ADAMTS19: variants seen among roughly 807,000 people sequenced by gnomAD.
ADAMTS19 encodes the protein A disintegrin and metalloproteinase with thrombospondin motifs 19.
ADAMTS19 carries 93 observed loss-of-function variants against 153.3 expected under a neutral mutation model. That is an observed-to-expected ratio of 0.61 (90% CI 0.51 to 0.72). The LOEUF (loss-of-function observed/expected upper bound fraction) is 0.72. Ranked by LOEUF, ADAMTS19 falls within the 30% of genes least tolerant of loss-of-function variation. ADAMTS19 has a pLI of 0.00. For missense variants in ADAMTS19, 1,482 were observed against 1,552.1 expected (o/e 0.95, Z 0.76); for synonymous variants, 600 against 556.6 (o/e 1.08, Z -1.10).
intron 14 of ADAMTS19, among the ~76,000 whole-genome samples, chr5:129,658,379 A>AGAGAGAGAG (rs1324387573): frequency 1.5e-5 from 2 of 135,914 alleles, no homozygotes; most frequent in African/African-American, 6.3e-5. Flanking sequence ...GAGAGAGAGG[A>AGAGAGAGAG]AGGAAGGAAG....
intron 21 of ADAMTS19, among the ~76,000 whole-genome samples, chr5:129,727,544 C>T (rs1030161201): frequency 6.6e-6 from 1 of 152,110 alleles, no homozygotes; most frequent in African/African-American, 2.4e-5. Context: ...TAGCAACTTT[C>T]AAGTATTAAA....
At chr5:129,663,903 A>G (rs1753925720) in intron 15 of ADAMTS19, among the ~76,000 whole-genome samples, 1 of 152,190 alleles carries the variant, frequency 6.6e-6, no homozygotes, top group Non-Finnish European at 1.5e-5. Flanking sequence ...TAACCACACC[A>G]CATATCCCTT....
chr5:129,734,648 T>G (rs547839487), intron 21 of ADAMTS19, among the ~76,000 whole-genome samples: 3 of 152,150 alleles, frequency 2.0e-5, no homozygotes, highest in African/African-American at 7.2e-5. Flanking sequence ...TCATTCACTC[T>G]CTTTCTCTTC....
intron 7 of ADAMTS19, among the ~76,000 whole-genome samples, chr5:129,594,436 A>G (rs1463692936): frequency 6.6e-6 from 1 of 152,164 alleles, no homozygotes; most frequent in African/African-American, 2.4e-5. Flanking sequence ...AATTTGTACC[A>G]ATCAATGGTA....
chr5:129,668,764 AAT>A (rs1319296716), intron 16 of ADAMTS19, among the ~76,000 whole-genome samples: 1 of 152,112 alleles, frequency 6.6e-6, no homozygotes, highest in East Asian at 1.9e-4. Context: ...ATTGTGGTAA[AAT>A]ATATATCACA....
Position 129,480,707 on chromosome 5 carries a change from C to G in ADAMTS19, c.747+18950C>G, listed in dbSNP as rs182914761. 2.8e-3 allele frequency among the ~76,000 whole-genome samples: 427 copies of G among 152,180 alleles called. 1 individual carries two copies. The highest frequency in any genetic ancestry group is 9.4e-3 in the African/African-American group (392 of 41,532). On this transcript the variant is annotated intron_variant, in intron 2 of 22. Transcript: ENST00000274487. The stretch of plus-strand genomic sequence containing the variant: ...ATCCACATAAAAGTTCTCAAAGATT[C>G]ACAGCAGATTTTTTCATAACAGCCT...
intron 6 of ADAMTS19, among the ~76,000 whole-genome samples, chr5:129,538,505 T>C (rs1752540380): frequency 6.6e-6 from 1 of 152,114 alleles, no homozygotes; most frequent in Non-Finnish European, 1.5e-5. Context: ...ACTAGCATGT[T>C]GAACTGACCA....
chr5:129,658,339 A>AGAGAGAGAGAG (rs1561632332), intron 14 of ADAMTS19, among the ~76,000 whole-genome samples: 3 of 109,182 alleles, frequency 2.7e-5, no homozygotes, highest in African/African-American at 1.3e-4. Flanking sequence ...GAAAGAAAGA[A>AGAGAGAGAGAG]AGAAAGAAAG....
At position 129,713,344 on chromosome 5, in the gene ADAMTS19, T is replaced by C. The variant is rs569315086; in HGVS notation, c.3312+8953T>C. Among the ~76,000 whole-genome samples, 3 of 152,304 alleles carry C rather than the reference T, an allele frequency of 2.0e-5. No individual in the cohort carries two copies. The South Asian group carries it at 6.2e-4, about 32-fold the overall frequency. ...TATGTGTTCATCAACTACTAGAGAC[T>C]ATCCAGAGATAGACATAACCAGATA... is the stretch of plus-strand genomic sequence containing the variant. On this transcript the variant is annotated intron_variant, in intron 21 of 22. Transcript: ENST00000274487.
intron 3 of ADAMTS19, 82 bp downstream of exon 3, chr5:129,509,324 C>A: frequency 2.5e-6 from 3 of 1,217,664 alleles, no homozygotes; most frequent in Non-Finnish European, 3.4e-6. Context: ...CGTCTATTTA[C>A]TAGCTTTACT....
chr5:129,474,858 C>T lies in ADAMTS19; in HGVS notation c.747+13101C>T, dbSNP rs10039703. On this transcript the variant is annotated intron_variant, in intron 2 of 22. Transcript: ENST00000274487. Reference sequence around the variant, plus strand: ...TAATTATATTGAGCATAGGTTCATGCGCCAGTTCATAGCCATTGTAATATT... The same window carrying T: ...TAATTATATTGAGCATAGGTTCATGTGCCAGTTCATAGCCATTGTAATATT... 6.8e-3 allele frequency among the ~76,000 whole-genome samples: 1,036 copies of T among 152,202 alleles called. 10 individuals are homozygous for T. Among genetic ancestry groups the T allele is most frequent in the African/African-American group, 0.024 (988 of 41,526 alleles).
chr5:129,704,507 A>C, intron 21 of ADAMTS19, 116 bp downstream of exon 21: 1 of 1,173,148 alleles, frequency 8.5e-7, no homozygotes, highest in Non-Finnish European at 1.2e-6. Context: ...ATTAAACATC[A>C]TGGGATATGG....
chr5:129,628,250 A>G (rs1752142530), intron 10 of ADAMTS19, among the ~76,000 whole-genome samples: 1 of 152,068 alleles, frequency 6.6e-6, no homozygotes. Context: ...GAGCTAAATA[A>G]TAAGAACTCA....
At chr5:129,623,550 A>C (rs1751882707) in intron 10 of ADAMTS19, among the ~76,000 whole-genome samples, 1 of 152,176 alleles carries the variant, frequency 6.6e-6, no homozygotes, top group African/African-American at 2.4e-5. Context: ...AGCATAATTA[A>C]GATGCTTTAT....
chr5:129,545,498 T>C (rs560964641), intron 6 of ADAMTS19, among the ~76,000 whole-genome samples: 1 of 152,288 alleles, frequency 6.6e-6, no homozygotes, highest in South Asian at 2.1e-4. Context: ...ATTAACTAAA[T>C]AGATAATGGT....
intron 10 of ADAMTS19, among the ~76,000 whole-genome samples, chr5:129,630,664 A>G (rs1752245832): frequency 6.6e-6 from 1 of 152,066 alleles, no homozygotes; most frequent in Non-Finnish European, 1.5e-5. Context: ...AGGTAGAGGA[A>G]ATATTTTTTT....
At chr5:129,644,848 T>G (rs1224551293) in intron 11 of ADAMTS19, among the ~76,000 whole-genome samples, 1 of 152,234 alleles carries the variant, frequency 6.6e-6, no homozygotes, top group Admixed American at 6.5e-5. Flanking sequence ...TTTTAGTTAT[T>G]TATTTTCCCA....
At chr5:129,634,665 T>C (rs1416817657) in intron 10 of ADAMTS19, among the ~76,000 whole-genome samples, 1 of 151,908 alleles carries the variant, frequency 6.6e-6, no homozygotes, top group Non-Finnish European at 1.5e-5. Flanking sequence ...ACCTGTTCAA[T>C]AAATGGCTCT....
chr5:129,494,271 A>G (rs1005380512), intron 2 of ADAMTS19, among the ~76,000 whole-genome samples: 6 of 152,138 alleles, frequency 3.9e-5, no homozygotes, highest in African/African-American at 9.7e-5. Context: ...CTGTGGGGCT[A>G]CTGATTTTCA....
Sources: allele counts gnomAD v4.1 joint callset (sites outside exome capture counted in the v4.1 genomes callset), GRCh38; gene constraint gnomAD v4.1.1; transcripts MANE v1.5; gene names NCBI Gene and HGNC (gene_info 2026-07-23, HGNC 2026-07-21).